The following ARID1A variants were observed in gnomAD, a reference collection of about 807,000 sequenced individuals.
ARID1A encodes AT-rich interactive domain-containing protein 1A.
A neutral mutation model predicts 212.6 loss-of-function variants in ARID1A; 20 were observed. That is an observed-to-expected ratio of 0.09 (90% CI 0.07 to 0.14). The LOEUF (loss-of-function observed/expected upper bound fraction) is 0.14. Ranked by LOEUF, ARID1A falls within the 10% of genes least tolerant of loss-of-function variation. The pLI, the probability that ARID1A is intolerant of heterozygous loss-of-function variation, is 1.00. For missense variants in ARID1A, 2,587 were observed against 3,059.0 expected, an observed-to-expected ratio of 0.85 and a Z score of 3.64; for synonymous variants, 1,376 against 1,222.1, an observed-to-expected ratio of 1.13 and a Z score of -2.63.
chr1:26,696,331 C>CCGGGG lies in ARID1A; in HGVS notation c.-67_-63dup, dbSNP rs1165561644. On this transcript the variant is annotated 5_prime_UTR_variant, in exon 1 of 20. Transcript: ENST00000324856. ...GGAGGGCAGCCCGGGGGACTGGGCC[C>CCGGGG]CGGGGCGGGGTGGGAGGGGGGGAGA... is the stretch of plus-strand genomic sequence containing the variant. The CCGGGG allele has an allele frequency of 1.7e-6, 2 of 1,169,026 alleles. No individual in the cohort carries two copies. The highest frequency in any genetic ancestry group is 3.4e-5 in the African/African-American group (2 of 58,976). 72.4% of individuals were successfully genotyped at this position (1,169,026 alleles called of 1,614,324 possible). A position where few individuals can be genotyped will look rare whatever the true frequency, so the allele number is the denominator to read the frequency against.
intron 4 of ARID1A, among the ~76,000 whole-genome samples, chr1:26,748,256 A>G (rs1329958985): frequency 2.6e-5 from 4 of 152,190 alleles, no homozygotes; most frequent in African/African-American, 7.2e-5. Flanking sequence ...GGCTTGCTGT[A>G]GAGAGGAGAG....
intron 4 of ARID1A, among the ~76,000 whole-genome samples, chr1:26,746,699 C>A (rs532731823): frequency 3.3e-5 from 5 of 151,912 alleles, no homozygotes; most frequent in South Asian, 2.1e-4. Flanking sequence ...TAAGACCATC[C>A]TGGACAACAT....
rs2124147752 is a variant in ARID1A, at chr1:26,780,203, C to T, written c.6305C>T (p.Pro2102Leu). The T allele has an allele frequency of 6.2e-7, 1 of 1,614,164 alleles. No individual in the cohort carries two copies. The highest frequency in any genetic ancestry group is 8.5e-7 in the Non-Finnish European group (1 of 1,180,018). Reference protein sequence around the residue: ...AVCPSAEAQDPFSTLGPNAVL... With the variant: ...AVCPSAEAQDLFSTLGPNAVL... ...TGCCCTTCAGCTGAAGCCCAGGACC[C>T]CTTTTCCACCCTGGGCCCCAATGCC... The change falls in exon 20 of 20, where the codon CCC becomes CTC. Residue 2102 changes from proline to leucine, a missense_variant. Pro to Leu is a moderately conservative substitution (Grantham distance 98). Coordinates refer to ENST00000324856, the MANE Select transcript of ARID1A (RefSeq NM_006015.6). This position sits in a 1 kb window ranked among gnomAD's most constrained non-coding sequence, Gnocchi z 7.2.
intron 1 of ARID1A, among the ~76,000 whole-genome samples, chr1:26,722,468 G>T (rs563870024): frequency 6.6e-6 from 1 of 152,272 alleles, no homozygotes; most frequent in African/African-American, 2.4e-5. Flanking sequence ...CTGGTCTCAA[G>T]CTCCTGACCT....
intron 4 of ARID1A, among the ~76,000 whole-genome samples, chr1:26,758,496 G>A (rs2080961595): frequency 6.6e-6 from 1 of 152,102 alleles, no homozygotes; most frequent in African/African-American, 2.4e-5. Flanking sequence ...GTGCGTGCCT[G>A]TAGTCCCAGC....
At chr1:26,723,621 G>A (rs2080587189) in intron 1 of ARID1A, among the ~76,000 whole-genome samples, 1 of 152,098 alleles carries the variant, frequency 6.6e-6, no homozygotes, top group Admixed American at 6.6e-5. Context: ...TGGCAGGGGC[G>A]GTGTGGCTTC....
At chr1:26,736,646 AG>A (rs1448051453) in intron 4 of ARID1A, among the ~76,000 whole-genome samples, 2 of 142,928 alleles carry the variant, frequency 1.4e-5, no homozygotes, top group African/African-American at 2.6e-5. Context: ...AAAAAAAAAA[AG>A]GGCACAGTGG....
chr1:26,765,361 G>T (rs559415463), intron 8 of ARID1A: 1 of 152,112 alleles, frequency 6.6e-6, no homozygotes, highest in African/African-American at 2.4e-5. Context: ...GGTGGCAGGT[G>T]CCTGTAGTCC....
At chr1:26,772,089 C>T (rs2081087470) in intron 12 of ARID1A, 1 of 195,720 alleles carries the variant, frequency 5.1e-6, no homozygotes, top group Non-Finnish European at 1.1e-5. Flanking sequence ...CTCCTAGACT[C>T]CTAAAATGCA....
chr1:26,771,491 G>A lies in ARID1A; in HGVS notation c.3406+165G>A. On this transcript the variant is annotated intron_variant, in intron 12 of 19. Transcript: ENST00000324856. The surrounding 1 kb of genome is among the most constrained non-coding windows in gnomAD (Gnocchi z 5.4). ...AGGTTGGCTGACTAGAGAGTGGGCA[G>A]TGGAAACTCCCTTGGGAGGTACTCT... The A allele has an allele frequency of 4.2e-6, 3 of 709,954 alleles. No homozygotes were observed. The highest frequency in any genetic ancestry group is 3.8e-5 in the South Asian group (2 of 52,110). 44.0% of individuals were successfully genotyped at this position (709,954 alleles called of 1,614,324 possible). A position where few individuals can be genotyped will look rare whatever the true frequency, so the allele number is the denominator to read the frequency against.
At chr1:26,772,328 G>T (rs2081089594) in intron 12 of ARID1A, 172 bp from the exon 13 acceptor site, 1 of 925,080 alleles carries the variant, frequency 1.1e-6, no homozygotes, top group Non-Finnish European at 1.6e-6. Flanking sequence ...AAAACCCTCA[G>T]ATTCCCGTCT....
At chr1:26,772,313 G>A in intron 12 of ARID1A, 187 bp from the exon 13 acceptor site, 4 of 786,388 alleles carry the variant, frequency 5.1e-6, no homozygotes, top group Non-Finnish European at 8.0e-6. Context: ...AAAACAAAGA[G>A]CTACAAAACC....
chr1:26,738,903 T>G (rs1169730788), intron 4 of ARID1A, among the ~76,000 whole-genome samples: 1 of 112,188 alleles, frequency 8.9e-6, no homozygotes, highest in African/African-American at 3.6e-5. Flanking sequence ...TGAGACAGAG[T>G]CTCTGTTGCC....
intron 4 of ARID1A, among the ~76,000 whole-genome samples, chr1:26,758,962 C>G (rs1489664255): frequency 6.6e-6 from 1 of 152,188 alleles, no homozygotes; most frequent in Non-Finnish European, 1.5e-5. Context: ...CAGAAATGCT[C>G]CCAGCCTAAT....
intron 1 of ARID1A, among the ~76,000 whole-genome samples, chr1:26,720,963 G>A (rs1195698738): frequency 2.0e-5 from 3 of 152,106 alleles, no homozygotes; most frequent in Non-Finnish European, 4.4e-5. Flanking sequence ...AGTAGCTGAG[G>A]AGGTTGAGGT....
chr1:26,731,068 A>G, intron 2 of ARID1A, 84 bp from the exon 3 acceptor site: 3 of 1,382,940 alleles, frequency 2.2e-6, no homozygotes, highest in Middle Eastern at 1.8e-4. Flanking sequence ...TATACTCATC[A>G]TCAGTGCATA....
intron 4 of ARID1A, among the ~76,000 whole-genome samples, chr1:26,757,497 C>T (rs1010999687): frequency 2.7e-5 from 4 of 149,228 alleles, no homozygotes; most frequent in Non-Finnish European, 1.5e-5. Flanking sequence ...GAAATAAAAA[C>T]GCACAAAGAT....
rs372990760 is a variant in ARID1A, at chr1:26,705,432, G to A, written c.1137+7892G>A. Among the ~76,000 whole-genome samples the A allele has an allele frequency of 3.7e-4, 55 of 148,568 alleles. No homozygotes were observed. The East Asian group carries it at 7.0e-3, about 19-fold the overall frequency. On this transcript the variant is annotated intron_variant, in intron 1 of 19. Transcript: ENST00000324856. ...TGGAATTACAGGTGTGAGCCACCAC[G>A]CCCAGCCTTTTTTTTTTTTCCCCCC...
intron 1 of ARID1A, among the ~76,000 whole-genome samples, chr1:26,715,303 C>G (rs2080492240): frequency 6.6e-6 from 1 of 152,100 alleles, no homozygotes; most frequent in African/African-American, 2.4e-5. Flanking sequence ...AATGTGCACA[C>G]CTGGGTAAAG....
Sources: gnomAD v4.1 joint callset for allele counts (sites outside exome capture counted in the v4.1 genomes callset) on GRCh38, gnomAD v4.1.1 for gene constraint, Gnocchi (gnomAD v3.1) non-coding constraint, MANE v1.5 for transcripts, NCBI Gene and HGNC (gene_info 2026-07-23, HGNC 2026-07-21) for gene names.